The following RGS4 variants were observed in gnomAD, a reference collection of about 807,000 sequenced individuals.
RGS4 encodes the protein regulator of G protein signaling 4.
RGS4 carries 15 observed loss-of-function variants against 21.6 expected under a neutral mutation model. That is an observed-to-expected ratio of 0.69 (90% CI 0.46 to 1.07). RGS4 has a LOEUF of 1.07. Among genes scored for constraint, RGS4 ranks in the 50% least tolerant of loss-of-function variants. The pLI is 0.00. For synonymous variants in RGS4, 94 were observed against 85.5 expected (o/e 1.10, Z -0.55); for missense variants, 237 against 239.0 (o/e 0.99, Z 0.06).
At position 163,069,970 on chromosome 1, in the gene RGS4, TC is replaced by T. The variant is rs76093732; in HGVS notation, c.44+443del. Among the ~76,000 whole-genome samples, 244 of 152,270 alleles carry T rather than the reference TC, an allele frequency of 1.6e-3. 7 individuals carry two copies. The East Asian group carries it at 0.044, about 28-fold the overall frequency. The stretch of plus-strand genomic sequence containing the variant: ...TACCCCAGAATGAGGTTTGGCTCCA[TC>T]ATCAGAAAGGCACTATGCTTTCCGT... On this transcript the variant is annotated intron_variant, in intron 1 of 4. Transcript: ENST00000367909.
chr1:163,073,598 C>T lies in RGS4; in HGVS notation c.354C>T (p.Phe118=), dbSNP rs751649661. The change falls in exon 4 of 5, where the codon TTC becomes TTT. Residue 118 remains phenylalanine, a synonymous_variant. Transcript: ENST00000367909. Reference sequence around the variant, plus strand: ...AGGCCAAAAAGATCTATAATGAATTCATCTCAGTCCAGGCAACCAAAGAGG... The same window carrying T: ...AGGCCAAAAAGATCTATAATGAATTTATCTCAGTCCAGGCAACCAAAGAGG... ...SPKAKKIYNE[F]ISVQATKEVN... 1 of 1,602,526 alleles carries T rather than the reference C, an allele frequency of 6.2e-7. No homozygotes were observed. The highest frequency in any genetic ancestry group is 8.5e-7 in the Non-Finnish European group (1 of 1,176,928).
rs1655369460 is a variant in RGS4, at chr1:163,072,944, C to T, written c.211+78C>T. 3 of 1,217,740 alleles carry T rather than the reference C, an allele frequency of 2.5e-6. No homozygotes were observed. The South Asian group carries it at 3.9e-5, about 16-fold the overall frequency. 75.4% of individuals were successfully genotyped at this position (1,217,740 alleles called of 1,614,324 possible). ...TATGCTGGTCTAATAGAAACTGCAG[C>T]AAGGCCTGGCTTCTTTCTGATGTTC... is the stretch of plus-strand genomic sequence containing the variant. On this transcript the variant is annotated intron_variant, in intron 3 of 4. Coordinates refer to ENST00000367909, the MANE Select transcript of RGS4 (RefSeq NM_005613.6).
chr1:163,071,983 C>T (rs1485204221), intron 1 of RGS4: 4 of 986,064 alleles, frequency 4.1e-6, no homozygotes, highest in Middle Eastern at 5.2e-4. Flanking sequence ...CAGAAGGTGG[C>T]GTGCAGCAAG....
chr1:163,069,457 G>C lies in RGS4; in HGVS notation c.-28G>C. ...GCTCCTCCTGCCGCATTTCTTTCCT[G>C]CTTGCGAATTCCAAGCTGTTAAATA... On this transcript the variant is annotated 5_prime_UTR_variant, in exon 1 of 5. Coordinates refer to ENST00000367909, the MANE Select transcript of RGS4 (RefSeq NM_005613.6). The C allele has an allele frequency of 6.2e-7, 1 of 1,613,382 alleles. No homozygotes were observed. Among genetic ancestry groups the C allele is most frequent in the Non-Finnish European group, 8.5e-7 (1 of 1,179,714 alleles).
At chr1:163,071,664 G>C (rs1180109882) in intron 1 of RGS4, among the ~76,000 whole-genome samples, 1 of 152,000 alleles carries the variant, frequency 6.6e-6, no homozygotes, top group Non-Finnish European at 1.5e-5. Context: ...ATGCCCTTTA[G>C]AGTGTGTATG....
At chr1:163,069,114 C>G (rs1473568546), upstream of RGS4, 2 of 1,504,900 alleles carry the variant, frequency 1.3e-6, no homozygotes, top group Admixed American at 5.0e-5. Flanking sequence ...TTTTCCTTTT[C>G]TAGAAATTCT....
chr1:163,069,054 T>C, upstream of RGS4: 1 of 1,549,396 alleles, frequency 6.5e-7, no homozygotes, highest in Non-Finnish European at 8.7e-7. Context: ...TGATATTTTT[T>C]TTTTACAGGC....
Position 163,074,707 on chromosome 1 carries a change from C to A in RGS4, c.*147C>A. 8.8e-7 allele frequency: 1 copy of A among 1,137,994 alleles called. No homozygotes were observed. The highest frequency in any genetic ancestry group is 1.3e-6 in the Non-Finnish European group (1 of 766,898). The allele number at this position is 1,137,994 out of a possible 1,614,324, so 70.5% of individuals were successfully genotyped here. A position where few individuals can be genotyped will look rare whatever the true frequency, so the allele number is the denominator to read the frequency against. On this transcript the variant is annotated 3_prime_UTR_variant, in exon 5 of 5. Transcript: ENST00000367909. ...GCCTGCCATGTGTGAGTCACTTCTA[C>A]GCATAAACTAGATATAGCTTTTGGT...
intron 1 of RGS4, among the ~76,000 whole-genome samples, chr1:163,070,113 T>C (rs562288249): frequency 6.6e-6 from 1 of 152,312 alleles, no homozygotes; most frequent in Non-Finnish European, 1.5e-5. Flanking sequence ...TCTTGAAGTG[T>C]CTCATATGAG....
intron 1 of RGS4, 104 bp downstream of exon 1, chr1:163,069,632 T>C (rs1458604718): frequency 2.6e-5 from 25 of 967,562 alleles, no homozygotes; most frequent in Middle Eastern, 2.5e-4. Flanking sequence ...TTAGAAACAG[T>C]GTGGTCAGGA....
chr1:163,073,560 A>G lies in RGS4; in HGVS notation c.316A>G (p.Lys106Glu). The change falls in exon 4 of 5, where the codon AAA becomes GAA. Residue 106 changes from lysine (K) to glutamate (E), a missense_variant. Physicochemically the swap from Lys to Glu is moderately conservative, Grantham distance 56. Transcript: ENST00000367909. ...GTACAAGAAAATCAAATCACCATCTAAACTAAGTCCCAAGGCCAAAAAGAT... is the reference window on the plus strand; with the variant it reads ...GTACAAGAAAATCAAATCACCATCTGAACTAAGTCCCAAGGCCAAAAAGAT... ...EEYKKIKSPS[K>E]LSPKAKKIYN... The G allele has an allele frequency of 6.2e-7, 1 of 1,612,346 alleles. No homozygotes were observed. Among genetic ancestry groups the G allele is most frequent in the Non-Finnish European group, 8.5e-7 (1 of 1,179,338 alleles).
At chr1:163,071,854 T>TTCCCCC in intron 1 of RGS4, 1 of 2,084 alleles carries the variant, frequency 4.8e-4, no homozygotes, top group Non-Finnish European at 1.1e-3. Flanking sequence ...AGGAACTGCT[T>TTCCCCC]GCCCCCCCCC....
chr1:163,071,637 T>C (rs536145869), intron 1 of RGS4, among the ~76,000 whole-genome samples: 22 of 152,192 alleles, frequency 1.4e-4, no homozygotes, highest in Admixed American at 2.6e-4. Flanking sequence ...CTTCTCCTAA[T>C]AGCTGTTAAG....
intron 1 of RGS4, 34 bp downstream of exon 1, chr1:163,069,562 C>A: frequency 6.4e-7 from 1 of 1,565,108 alleles, no homozygotes; most frequent in South Asian, 1.1e-5. Context: ...CCATATTAAA[C>A]TTTTGGCTAG....
At chr1:163,072,271 A>C in intron 1 of RGS4, 124 bp from the exon 2 acceptor site, 42 of 879,634 alleles carry the variant, frequency 4.8e-5, no homozygotes, top group Admixed American at 6.0e-5. Flanking sequence ...GCCAACTCCA[A>C]CTCCCGTTCC....
chr1:163,072,398 A>C lies in RGS4; in HGVS notation c.48A>C (p.Ala16=), dbSNP rs1557859390. 3 of 1,610,898 alleles carry C rather than the reference A, an allele frequency of 1.9e-6. No individual in the cohort carries two copies. ...AGLPASCLRS[A]KDMKHRLGFL... ...CATTTTTTTCTCTTCTGTGCAGTGC[A>C]AAAGATATGAAACATCGGCTAGGTT... The change falls in exon 2 of 5, where the codon GCA becomes GCC. Residue 16 remains alanine, a synonymous_variant. Transcript: ENST00000367909.
In RGS4 at chr1:163,075,936, A is replaced by G. The variant is rs906935290; in HGVS notation, c.*1376A>G. On this transcript the variant is annotated 3_prime_UTR_variant, in exon 5 of 5. Coordinates refer to ENST00000367909, the MANE Select transcript of RGS4 (RefSeq NM_005613.6). ...GAGGCATTTCTTTTTAGGCTCTGAGACTAAATGAGAGGAAAAGAAAAGAAA... is the reference window on the plus strand; with the variant it reads ...GAGGCATTTCTTTTTAGGCTCTGAGGCTAAATGAGAGGAAAAGAAAAGAAA... 2 of 133,752 alleles carry G rather than the reference A, an allele frequency of 1.5e-5. No individual in the cohort carries two copies. The highest frequency in any genetic ancestry group is 5.2e-5 in the African/African-American group (2 of 38,424). 8.3% of individuals were successfully genotyped at this position (133,752 alleles called of 1,614,324 possible).
chr1:163,070,223 T>TA (rs994779072), intron 1 of RGS4, among the ~76,000 whole-genome samples: 1 of 152,150 alleles, frequency 6.6e-6, no homozygotes, highest in Non-Finnish European at 1.5e-5. Context: ...TTGATTTTTT[T>TA]AAAAGACCTT....
chr1:163,071,853 T>C (rs1655315470), intron 1 of RGS4: 1 of 4,894 alleles, frequency 2.0e-4, no homozygotes, highest in Non-Finnish European at 4.3e-4. Context: ...CAGGAACTGC[T>C]TGCCCCCCCC....
Sources: gnomAD v4.1 joint callset for allele counts (sites outside exome capture counted in the v4.1 genomes callset) on GRCh38, gnomAD v4.1.1 for gene constraint, MANE v1.5 for transcripts, NCBI Gene and HGNC (gene_info 2026-07-23, HGNC 2026-07-21) for gene names.